Variants in ABCC1 observed in about 807,000 individuals in gnomAD.
ABCC1 encodes the protein multidrug resistance-associated protein 1.
A neutral mutation model predicts 172.9 loss-of-function variants in ABCC1; 83 were observed. The observed-to-expected ratio is 0.48, with a 90% confidence interval of 0.40 to 0.58. ABCC1 has a LOEUF of 0.58. Among genes scored for constraint, ABCC1 ranks in the 20% least tolerant of loss-of-function variants. The pLI, the probability that ABCC1 is intolerant of heterozygous loss-of-function variation, is 0.00. For synonymous variants in ABCC1, 937 were observed against 825.2 expected (o/e 1.14, Z -2.32); for missense variants, 1,817 against 2,002.7 (o/e 0.91, Z 1.77).
rs1024055711 is a variant in ABCC1, at chr16:16,004,289, C to T, written c.49-3527C>T. On this transcript the variant is annotated intron_variant, in intron 1 of 30. Coordinates refer to ENST00000399410, the MANE Select transcript of ABCC1 (RefSeq NM_004996.4). The stretch of plus-strand genomic sequence containing the variant: ...AGGATCAGGTCAATTAAATGTTTAA[C>T]ATTGGAACTATGTCTCTTGTATACA... Among the ~76,000 whole-genome samples the T allele has an allele frequency of 2.0e-5, 3 of 152,142 alleles. No individual in the cohort carries two copies. The South Asian group carries it at 6.2e-4, about 32-fold the overall frequency.
intron 16 of ABCC1, among the ~76,000 whole-genome samples, chr16:16,081,457 A>C (rs1411246709): frequency 6.6e-6 from 1 of 152,120 alleles, no homozygotes; most frequent in East Asian, 1.9e-4. Flanking sequence ...CCAGATGATT[A>C]TTTATTATTG....
chr16:15,975,710 C>A (rs1486125221), intron 1 of ABCC1, among the ~76,000 whole-genome samples: 1 of 151,692 alleles, frequency 6.6e-6, no homozygotes, highest in African/African-American at 2.4e-5. Context: ...GCATGCGCCA[C>A]CATCTCTGGC....
At chr16:15,975,922 A>G (rs958774523) in intron 1 of ABCC1, among the ~76,000 whole-genome samples, 12 of 152,072 alleles carry the variant, frequency 7.9e-5, no homozygotes, top group Non-Finnish European at 1.3e-4. Context: ...TTAAATGGAC[A>G]TGGTCTTGCT....
At chr16:16,084,587 C>G (rs1487335239) in intron 17 of ABCC1, among the ~76,000 whole-genome samples, 1 of 146,582 alleles carries the variant, frequency 6.8e-6, no homozygotes, top group African/African-American at 2.6e-5. Flanking sequence ...TGGTGTCTAA[C>G]TCCTGACCTC....
chr16:16,112,185 C>T (rs903881), intron 22 of ABCC1, among the ~76,000 whole-genome samples: 33,005 of 151,776 alleles, frequency 0.22, 3,638 homozygotes, highest in African/African-American at 0.28. Flanking sequence ...GACCCTATTT[C>T]TAGAAAAAAT....
At chr16:16,036,269 A>G (rs1208645238) in intron 6 of ABCC1, among the ~76,000 whole-genome samples, 1 of 151,654 alleles carries the variant, frequency 6.6e-6, no homozygotes, top group African/African-American at 2.4e-5. Context: ...ACCCAACAGA[A>G]TGAGCTGTAA....
intron 10 of ABCC1, among the ~76,000 whole-genome samples, chr16:16,052,521 T>G (rs544183223): frequency 3.0e-4 from 46 of 152,248 alleles, no homozygotes; most frequent in African/African-American, 1.1e-3. Context: ...ACCTGCTTAT[T>G]CTTCAAGGGA....
chr16:16,048,375 T>G, intron 10 of ABCC1, 72 bp downstream of exon 10: 1 of 1,551,768 alleles, frequency 6.4e-7, no homozygotes, highest in Non-Finnish European at 8.8e-7. Flanking sequence ...GCCGAGGGAG[T>G]GGGTGTTGAT....
chr16:16,026,959 A>G lies in ABCC1; in HGVS notation c.616-6150A>G, dbSNP rs139099254. ...AAACTGTGCAGTGTTCTGTCTGTCA[A>G]TGTCCTTGTTGCATTTGCAGGGCAG... On this transcript the variant is annotated intron_variant, in intron 5 of 30. Coordinates refer to ENST00000399410, the MANE Select transcript of ABCC1 (RefSeq NM_004996.4). Among the ~76,000 whole-genome samples the G allele has an allele frequency of 3.8e-3, 573 of 152,186 alleles. 3 individuals carry two copies. The highest frequency in any genetic ancestry group is 0.013 in the South Asian group (62 of 4,818).
intron 23 of ABCC1, among the ~76,000 whole-genome samples, chr16:16,119,370 G>A (rs923585426): frequency 1.9e-4 from 29 of 152,332 alleles, no homozygotes; most frequent in Admixed American, 8.5e-4. Flanking sequence ...GAGCCTCGGA[G>A]GCGGAGGTTG....
intron 30 of ABCC1, 136 bp from the exon 31 acceptor site, chr16:16,141,037 G>T: frequency 1.5e-6 from 1 of 680,546 alleles, no homozygotes; most frequent in South Asian, 1.8e-5. Flanking sequence ...CAACCAGCTG[G>T]AAGGTACTGC....
At chr16:15,974,747 T>G (rs1313406416) in intron 1 of ABCC1, among the ~76,000 whole-genome samples, 1 of 151,810 alleles carries the variant, frequency 6.6e-6, no homozygotes, top group African/African-American at 2.4e-5. Context: ...AGAAACAGAG[T>G]CTTAGAATCA....
chr16:16,138,714 C>CTT lies in ABCC1; in HGVS notation c.4487+174_4487+175dup, dbSNP rs397973927. On this transcript the variant is annotated intron_variant, in intron 30 of 30. Coordinates refer to ENST00000399410, the MANE Select transcript of ABCC1 (RefSeq NM_004996.4). Reference sequence around the variant, plus strand: ...TCATCCTGGATGGTACCAGCTATTTCTTTTTTTTTTTTTTTTTTTGAGACA... The same window carrying CTT: ...TCATCCTGGATGGTACCAGCTATTTCTTTTTTTTTTTTTTTTTTTTTGAGACA... Among the ~76,000 whole-genome samples, 723 of 129,654 alleles carry CTT rather than the reference C, an allele frequency of 5.6e-3. 19 individuals carry two copies. The highest frequency in any genetic ancestry group is 0.018 in the African/African-American group (604 of 33,822). The allele number at this position is 129,654 out of a possible 152,430, so 85.1% of individuals were successfully genotyped here. A position where few individuals can be genotyped will look rare whatever the true frequency, so the allele number is the denominator to read the frequency against.
At chr16:16,139,062 C>A (rs1033743000) in intron 30 of ABCC1, among the ~76,000 whole-genome samples, 3 of 152,204 alleles carry the variant, frequency 2.0e-5, no homozygotes, top group Admixed American at 2.0e-4. Context: ...AGCGCACCTG[C>A]GGTGTTCCCA....
At chr16:15,951,194 G>T (rs981685247) in intron 1 of ABCC1, among the ~76,000 whole-genome samples, 1 of 152,110 alleles carries the variant, frequency 6.6e-6, no homozygotes, top group Non-Finnish European at 1.5e-5. Context: ...GGTTTGTGTT[G>T]CTGTGAATTC....
At chr16:15,952,195 C>T (rs1054713465) in intron 1 of ABCC1, among the ~76,000 whole-genome samples, 7 of 152,210 alleles carry the variant, frequency 4.6e-5, no homozygotes, top group African/African-American at 1.7e-4. Context: ...AGTGGCTCAG[C>T]TTGTGCCCTG....
chr16:16,072,901 A>ACATGGTGTTGGGCACCTGTAAT (rs1475996209), intron 14 of ABCC1, among the ~76,000 whole-genome samples: 9 of 151,584 alleles, frequency 5.9e-5, no homozygotes, highest in Admixed American at 5.9e-4. Flanking sequence ...AATTAGCTGG[A>ACATGGTGTTGGGCACCTGTAAT]CATGGTGTTG....
In ABCC1 at chr16:15,982,336, C is replaced by T. The variant is rs149240710; in HGVS notation, c.49-25480C>T. On this transcript the variant is annotated intron_variant, in intron 1 of 30. Coordinates refer to ENST00000399410, the MANE Select transcript of ABCC1 (RefSeq NM_004996.4). The stretch of plus-strand genomic sequence containing the variant: ...ATAAAGGGAAGAGATTTAGTTGGCC[C>T]ACAGTTCTGCAGGGCTGGGGAGGCC... Among the ~76,000 whole-genome samples the T allele has an allele frequency of 2.9e-3, 444 of 152,184 alleles. 4 individuals are homozygous for T. The highest frequency in any genetic ancestry group is 8.4e-3 in the African/African-American group (350 of 41,508).
At position 16,113,680 on chromosome 16, in the gene ABCC1, A is replaced by G. The variant is rs77923043; in HGVS notation, c.3080-1086A>G. 4.4e-3 allele frequency among the ~76,000 whole-genome samples: 676 copies of G among 152,134 alleles called. 8 individuals carry two copies. The highest frequency in any genetic ancestry group is 0.015 in the African/African-American group (630 of 41,516). On this transcript the variant is annotated intron_variant, in intron 22 of 30. Transcript: ENST00000399410. ...TCTCAAAAGAAAAATAAAATTAAAG[A>G]TTTATTCGATTAGACTAGACACGTT...
Sources: allele counts gnomAD v4.1 joint callset (sites outside exome capture counted in the v4.1 genomes callset), GRCh38; gene constraint gnomAD v4.1.1; transcripts MANE v1.5; gene names NCBI Gene and HGNC (gene_info 2026-07-23, HGNC 2026-07-21).